The following NEK6 variants were observed in gnomAD, a reference collection of about 807,000 sequenced individuals.
The protein encoded by NEK6 is NIMA related kinase 6, also known as serine/threonine-protein kinase Nek6.
A neutral mutation model predicts 43.5 loss-of-function variants in NEK6; 27 were observed. That is an observed-to-expected ratio of 0.62 (90% CI 0.46 to 0.86). The LOEUF is 0.86. NEK6 is among the 40% of genes least tolerant of loss of function. The probability of loss-of-function intolerance (pLI) is 0.00; values close to 1 mark genes in which losing one functional copy is unlikely to be tolerated. For missense variants in NEK6, 318 were observed against 414.4 expected (o/e 0.77, Z 2.02); for synonymous variants, 167 against 164.1 (o/e 1.02, Z -0.14).
chr9:124,293,160 A>T (rs554215314), intron 1 of NEK6: 324 of 1,111,578 alleles, frequency 2.9e-4, no homozygotes, highest in Non-Finnish European at 3.6e-4. Context: ...ATTAAAATGC[A>T]GACTTTGGAG....
rs748905820 is a variant in NEK6, at chr9:124,275,421, C to T, written c.-30+17336C>T. Reference sequence around the variant, plus strand: ...CATGGAGCCCAGAACCCATGGGTAACGGGGTCAGCATTCAGAAGTGTCAGC... The same window carrying T: ...CATGGAGCCCAGAACCCATGGGTAATGGGGTCAGCATTCAGAAGTGTCAGC... On this transcript the variant is annotated intron_variant, in intron 1 of 9. Transcript: ENST00000320246. This position sits in a 1 kb window ranked among gnomAD's most constrained non-coding sequence, Gnocchi z 4.4. Among the ~76,000 whole-genome samples, 9 of 152,168 alleles carry T rather than the reference C, an allele frequency of 5.9e-5. No homozygotes were observed. The highest frequency in any genetic ancestry group is 9.7e-5 in the African/African-American group (4 of 41,446).
chr9:124,281,498 T>C (rs562036977), intron 1 of NEK6, among the ~76,000 whole-genome samples: 17,083 of 134,738 alleles, frequency 0.13, 1,162 homozygotes, highest in Non-Finnish European at 0.15. Context: ...TTTTTTTTTT[T>C]TTTTTTTTTT....
intron 9 of NEK6, among the ~76,000 whole-genome samples, chr9:124,349,114 G>C (rs1830117337): frequency 1.3e-5 from 2 of 152,368 alleles, no homozygotes; most frequent in South Asian, 4.1e-4. Context: ...GTGCTTGCTG[G>C]CGTTGCAGAC....
At chr9:124,342,566 G>C (rs1829691709) in intron 8 of NEK6, among the ~76,000 whole-genome samples, 1 of 152,238 alleles carries the variant, frequency 6.6e-6, no homozygotes. Flanking sequence ...CTGTCCACCA[G>C]CTGCAGGCCA....
chr9:124,348,172 G>C (rs1830050326), intron 9 of NEK6, among the ~76,000 whole-genome samples: 1 of 152,206 alleles, frequency 6.6e-6, no homozygotes. Flanking sequence ...ACTGATACAG[G>C]GGCAGGATGT....
intron 8 of NEK6, among the ~76,000 whole-genome samples, chr9:124,344,853 C>T (rs907754620): frequency 6.6e-6 from 1 of 152,206 alleles, no homozygotes; most frequent in African/African-American, 2.4e-5. Context: ...GCCGGGACGC[C>T]GCTTTGGAAT....
In NEK6 at chr9:124,329,454, G is replaced by A. The variant is rs544774867; in HGVS notation, c.622+2009G>A. Among the ~76,000 whole-genome samples, 6 of 152,340 alleles carry A rather than the reference G, an allele frequency of 3.9e-5. No individual in the cohort carries two copies. In the East Asian group the frequency reaches 1.2e-3, roughly 29 times the overall value. On this transcript the variant is annotated intron_variant, in intron 7 of 9. Transcript: ENST00000320246. ...CCGACAGTATGATTTTATTGACTTG[G>A]ACTGGTGCACTTATTATATTAATGA...
At chr9:124,274,464 C>T (rs1242820893) in intron 1 of NEK6, among the ~76,000 whole-genome samples, 1 of 152,222 alleles carries the variant, frequency 6.6e-6, no homozygotes, top group African/African-American at 2.4e-5. Flanking sequence ...TAGACACTTG[C>T]TTTGAGTCAC....
chr9:124,302,202 GC>G, intron 2 of NEK6, 148 bp downstream of exon 2: 2 of 604,964 alleles, frequency 3.3e-6, no homozygotes, highest in Non-Finnish European at 2.9e-6. Flanking sequence ...TGGGGAGCTC[GC>G]TACCAAATCT....
At chr9:124,296,976 G>A (rs1832722147) in intron 1 of NEK6, among the ~76,000 whole-genome samples, 1 of 152,250 alleles carries the variant, frequency 6.6e-6, no homozygotes, top group Non-Finnish European at 1.5e-5. Flanking sequence ...TCTCCCTAGG[G>A]TCACAGCCCA....
rs569302099 is a variant in NEK6, at chr9:124,259,716, C to T, written c.-30+1631C>T. On this transcript the variant is annotated intron_variant, in intron 1 of 9. Coordinates refer to ENST00000320246, the MANE Select transcript of NEK6 (RefSeq NM_014397.6). ...TGACGGGCAAACATTTGGGAAGGTT[C>T]TTGCCTAACTTCCCAGAAGAAAAGG... 3.9e-5 allele frequency among the ~76,000 whole-genome samples: 6 copies of T among 152,300 alleles called. 1 individual carries two copies. In the South Asian group the frequency reaches 1.2e-3, roughly 32 times the overall value.
At chr9:124,336,971 GGGCGACA>G (rs1829327771) in intron 7 of NEK6, among the ~76,000 whole-genome samples, 1 of 150,054 alleles carries the variant, frequency 6.7e-6, no homozygotes, top group African/African-American at 2.5e-5. Context: ...ACTCCAGCCT[GGGCGACA>G]GAGCGAGACT....
At chr9:124,291,295 G>T (rs1367376520) in intron 1 of NEK6, among the ~76,000 whole-genome samples, 1 of 152,172 alleles carries the variant, frequency 6.6e-6, no homozygotes, top group Non-Finnish European at 1.5e-5. Context: ...TTTGGGCCCA[G>T]TTTACAAAGG....
chr9:124,295,515 G>A (rs1328255500), intron 1 of NEK6, among the ~76,000 whole-genome samples: 2 of 152,212 alleles, frequency 1.3e-5, no homozygotes, highest in Non-Finnish European at 2.9e-5. Context: ...CCTCTTCCAA[G>A]GCAGTTTGGA....
At chr9:124,340,288 T>C (rs996798525) in intron 8 of NEK6, among the ~76,000 whole-genome samples, 1 of 152,110 alleles carries the variant, frequency 6.6e-6, no homozygotes, top group Admixed American at 6.5e-5. Context: ...CCCCCACCCA[T>C]TTTGTCCAGC....
At chr9:124,286,423 C>T (rs1242645296) in intron 1 of NEK6, 1 of 152,172 alleles carries the variant, frequency 6.6e-6, no homozygotes, top group East Asian at 1.9e-4. Context: ...GGAGGTGGCC[C>T]CACCTGCCAG....
chr9:124,261,397 T>C (rs1310380870), intron 1 of NEK6: 5 of 985,234 alleles, frequency 5.1e-6, no homozygotes, highest in Non-Finnish European at 6.0e-6. Flanking sequence ...GCAAGGGAGT[T>C]GGAGGGTGGA....
chr9:124,297,663 G>A (rs1832758022), intron 1 of NEK6, among the ~76,000 whole-genome samples: 1 of 152,360 alleles, frequency 6.6e-6, no homozygotes, highest in South Asian at 2.1e-4. Context: ...AGTGTGGCCT[G>A]CAGCTCTGGG....
intron 9 of NEK6, among the ~76,000 whole-genome samples, chr9:124,350,568 ATAAT>A (rs1830212136): frequency 6.6e-6 from 1 of 152,178 alleles, no homozygotes. Flanking sequence ...CAAGTTCAAA[ATAAT>A]TTGGAGGTTA....
Sources: allele counts gnomAD v4.1 joint callset (sites outside exome capture counted in the v4.1 genomes callset), GRCh38; gene constraint gnomAD v4.1.1; non-coding constraint Gnocchi (gnomAD v3.1); transcripts MANE v1.5; gene names NCBI Gene and HGNC (gene_info 2026-07-23, HGNC 2026-07-21).